NCKAP5: variants seen among roughly 807,000 people sequenced by gnomAD.
The protein encoded by NCKAP5 is NCK associated protein 5.
Under a neutral mutation model 167.0 loss-of-function variants are expected in NCKAP5, and 92 were observed. The observed-to-expected ratio is 0.55, with a 90% CI of 0.47 to 0.66. The LOEUF (loss-of-function observed/expected upper bound fraction) is 0.66. NCKAP5 is among the 30% of genes least tolerant of loss of function. The pLI, the probability that NCKAP5 is intolerant of heterozygous loss-of-function variation, is 0.00. For missense variants in NCKAP5, 2,378 were observed against 2,315.0 expected, an observed-to-expected ratio of 1.03 and a Z score of -0.56; for synonymous variants, 891 against 877.4, an observed-to-expected ratio of 1.02 and a Z score of -0.27.
At chr2:133,614,816 T>C in the NCKAP5 span, among the ~76,000 whole-genome samples, 7 of 151,416 alleles carry the variant, frequency 4.6e-5, no homozygotes, top group African/African-American at 1.2e-4. Flanking sequence ...AAGATACTCC[T>C]CGAGAAGAGC....
chr2:133,179,466 A>C (rs1331589581), intron 5 of NCKAP5, among the ~76,000 whole-genome samples: 1 of 152,204 alleles, frequency 6.6e-6, no homozygotes, highest in Non-Finnish European at 1.5e-5. Context: ...ACAAAAAACC[A>C]AGATCTCTAA....
At chr2:133,134,776 G>A (rs1382830781) in intron 5 of NCKAP5, among the ~76,000 whole-genome samples, 1 of 152,140 alleles carries the variant, frequency 6.6e-6, no homozygotes, top group Non-Finnish European at 1.5e-5. Context: ...GGTAATCTAT[G>A]TTTCTGACCT....
chr2:133,025,140 T>G (rs2078653230), intron 6 of NCKAP5, among the ~76,000 whole-genome samples: 1 of 152,224 alleles, frequency 6.6e-6, no homozygotes, highest in Non-Finnish European at 1.5e-5. Flanking sequence ...CCATCCAATT[T>G]TCTCCAACTT....
intron 6 of NCKAP5, among the ~76,000 whole-genome samples, chr2:133,037,438 T>TA (rs1291213284): frequency 6.6e-6 from 1 of 152,014 alleles, no homozygotes; most frequent in Non-Finnish European, 1.5e-5. Context: ...GGTACTGGCA[T>TA]AAAAACAGAC....
intron 4 of NCKAP5, among the ~76,000 whole-genome samples, chr2:133,261,313 T>C (rs2088895643): frequency 6.6e-6 from 1 of 152,200 alleles, no homozygotes; most frequent in Non-Finnish European, 1.5e-5. Context: ...GCTTATCTCA[T>C]AGGATAACTC....
intron 8 of NCKAP5, among the ~76,000 whole-genome samples, chr2:132,921,289 C>T (rs964438214): frequency 7.9e-5 from 12 of 152,058 alleles, no homozygotes; most frequent in Admixed American, 5.2e-4. Context: ...GACATGGAGA[C>T]CTCCTTCTCA....
At chr2:133,508,119 AG>A (rs567310039) in intron 3 of NCKAP5, among the ~76,000 whole-genome samples, 330 of 152,290 alleles carry the variant, frequency 2.2e-3, no homozygotes, top group African/African-American at 7.7e-3. Context: ...AGGGGGCAAG[AG>A]GAAAGTTAGG....
the NCKAP5 span, among the ~76,000 whole-genome samples, chr2:133,637,220 T>C: frequency 2.6e-5 from 4 of 151,780 alleles, no homozygotes; most frequent in African/African-American, 9.7e-5. Flanking sequence ...TATGTGAGTC[T>C]GGGGCTCACA....
chr2:132,878,184 T>G (rs1325486294), intron 9 of NCKAP5, among the ~76,000 whole-genome samples: 1 of 152,150 alleles, frequency 6.6e-6, no homozygotes, highest in Non-Finnish European at 1.5e-5. Context: ...CGCATGTCTG[T>G]TTTCTCCTCA....
At chr2:133,373,617 G>C (rs1303049306) in intron 3 of NCKAP5, among the ~76,000 whole-genome samples, 3 of 152,122 alleles carry the variant, frequency 2.0e-5, no homozygotes, top group Non-Finnish European at 4.4e-5. Flanking sequence ...AATATCGAAG[G>C]AGATGAATAA....
chr2:133,320,696 C>T (rs1681982133), intron 3 of NCKAP5, among the ~76,000 whole-genome samples: 1 of 152,090 alleles, frequency 6.6e-6, no homozygotes, highest in Non-Finnish European at 1.5e-5. Context: ...CCACTGCACT[C>T]CAGCGAGACT....
intron 6 of NCKAP5, among the ~76,000 whole-genome samples, chr2:133,052,429 G>A (rs767143636): frequency 2.0e-5 from 3 of 152,106 alleles, no homozygotes; most frequent in Non-Finnish European, 4.4e-5. Context: ...GAAAACTGGA[G>A]AGTTTGGGCC....
chr2:133,587,825 T>C, the NCKAP5 span, among the ~76,000 whole-genome samples: 1 of 152,182 alleles, frequency 6.6e-6, no homozygotes, highest in African/African-American at 2.4e-5. Flanking sequence ...AGAAGTTTGA[T>C]TTGATTTCAT....
intron 10 of NCKAP5, among the ~76,000 whole-genome samples, chr2:132,866,730 A>G (rs916247620): frequency 2.0e-5 from 3 of 152,184 alleles, no homozygotes; most frequent in Non-Finnish European, 4.4e-5. Context: ...CTGCACAGTA[A>G]TGCTTATTAT....
At chr2:133,457,770 T>C (rs1193011848) in intron 3 of NCKAP5, among the ~76,000 whole-genome samples, 1 of 152,218 alleles carries the variant, frequency 6.6e-6, no homozygotes, top group East Asian at 1.9e-4. Context: ...TCCCATTTTT[T>C]AGAATTAGTG....
At chr2:133,648,519 C>A in the NCKAP5 span, among the ~76,000 whole-genome samples, 1 of 152,100 alleles carries the variant, frequency 6.6e-6, no homozygotes, top group African/African-American at 2.4e-5. Context: ...TAAAGCATTT[C>A]TTCACTAATT....
the NCKAP5 span, among the ~76,000 whole-genome samples, chr2:133,589,655 G>C: frequency 1.3e-5 from 2 of 152,146 alleles, no homozygotes; most frequent in Non-Finnish European, 2.9e-5. Context: ...TAATGTTCAG[G>C]CACATTATAA....
chr2:132,685,408 G>T (rs1244150289), intron 19 of NCKAP5, among the ~76,000 whole-genome samples: 1 of 152,162 alleles, frequency 6.6e-6, no homozygotes, highest in Non-Finnish European at 1.5e-5. Flanking sequence ...CCATTCAACA[G>T]GACTCCTGGG....
chr2:133,287,202 A>G (rs1679208477), intron 4 of NCKAP5, among the ~76,000 whole-genome samples: 1 of 152,156 alleles, frequency 6.6e-6, no homozygotes. Flanking sequence ...AACATCTCCA[A>G]TTCCTCACAT....
Sources: allele counts gnomAD v4.1 joint callset (sites outside exome capture counted in the v4.1 genomes callset), GRCh38; gene constraint gnomAD v4.1.1; transcripts MANE v1.5; gene names NCBI Gene and HGNC (gene_info 2026-07-23, HGNC 2026-07-21).